CD200: variants seen among roughly 807,000 people sequenced by gnomAD.
The protein encoded by CD200 is CD200 molecule, also known as OX-2 membrane glycoprotein.
CD200 carries 15 observed loss-of-function variants against 30.9 expected under a neutral mutation model. The observed-to-expected ratio is 0.49, with a 90% CI of 0.32 to 0.75. CD200 has a LOEUF of 0.75. Ranked by LOEUF, CD200 falls within the 30% of genes least tolerant of loss-of-function variation. CD200 has a pLI of 0.03. For missense variants in CD200, 262 were observed against 324.2 expected (o/e 0.81, Z 1.47); for synonymous variants, 134 against 126.2 (o/e 1.06, Z -0.41).
intron 1 of CD200, among the ~76,000 whole-genome samples, chr3:112,335,277 T>C (rs76825821): frequency 0.013 from 2,009 of 152,282 alleles, 36 homozygotes; most frequent in African/African-American, 0.045. Context: ...CAGATCTTTG[T>C]AGGCTGTATG....
At chr3:112,345,521 A>G (rs1397229618) in intron 3 of CD200, among the ~76,000 whole-genome samples, 3 of 152,146 alleles carry the variant, frequency 2.0e-5, no homozygotes, top group African/African-American at 4.8e-5. Flanking sequence ...TGTCAACAGG[A>G]GAAATTTGAG....
At chr3:112,342,349 CT>C (rs2081273183) in intron 2 of CD200, among the ~76,000 whole-genome samples, 2,001 of 37,846 alleles carry the variant, frequency 0.053, 502 homozygotes, top group African/African-American at 0.11. Context: ...TTCTTTCTTT[CT>C]TTCTTTCTTT....
At chr3:112,337,911 T>C (rs1406239333) in intron 1 of CD200, among the ~76,000 whole-genome samples, 1 of 152,234 alleles carries the variant, frequency 6.6e-6, no homozygotes, top group Admixed American at 6.5e-5. Flanking sequence ...AACTCATCTC[T>C]TGATTATTTA....
At chr3:112,339,125 T>C (rs987870470) in intron 1 of CD200, among the ~76,000 whole-genome samples, 2 of 152,242 alleles carry the variant, frequency 1.3e-5, no homozygotes, top group Non-Finnish European at 2.9e-5. Context: ...AGTAACCTTA[T>C]GCAAAATATA....
At chr3:112,358,078 A>G (rs1038051838) in intron 5 of CD200, among the ~76,000 whole-genome samples, 2 of 152,110 alleles carry the variant, frequency 1.3e-5, no homozygotes, top group African/African-American at 4.8e-5. Context: ...GCATTCACAC[A>G]CGCGCACACA....
chr3:112,349,024 A>G (rs1031820615), intron 4 of CD200, among the ~76,000 whole-genome samples: 5 of 152,206 alleles, frequency 3.3e-5, no homozygotes, highest in African/African-American at 9.7e-5. Flanking sequence ...TATAGAAATC[A>G]AACAAATCCC....
At chr3:112,355,880 A>G in intron 5 of CD200, among the ~76,000 whole-genome samples, 1 of 147,916 alleles carries the variant, frequency 6.8e-6, no homozygotes, top group South Asian at 2.2e-4. Flanking sequence ...AAAATTAAGA[A>G]ATAAAAGTAT....
At chr3:112,346,337 T>C (rs1413644474) in intron 3 of CD200, among the ~76,000 whole-genome samples, 1 of 152,068 alleles carries the variant, frequency 6.6e-6, no homozygotes, top group Non-Finnish European at 1.5e-5. Context: ...TTTCTGTTCC[T>C]TTTTATTCTC....
chr3:112,348,955 T>G (rs1168335845), intron 4 of CD200, among the ~76,000 whole-genome samples: 1 of 150,012 alleles, frequency 6.7e-6, no homozygotes, highest in East Asian at 2.0e-4. Context: ...TGTTTGTTTA[T>G]TCTGTGAACA....
intron 1 of CD200, among the ~76,000 whole-genome samples, chr3:112,340,694 C>A (rs1239088727): frequency 6.6e-6 from 1 of 152,180 alleles, no homozygotes; most frequent in African/African-American, 2.4e-5. Flanking sequence ...TGTGTTGAAG[C>A]CACGCTGCTG....
chr3:112,338,638 G>T (rs894689632), intron 1 of CD200, among the ~76,000 whole-genome samples: 1 of 152,148 alleles, frequency 6.6e-6, no homozygotes, highest in Non-Finnish European at 1.5e-5. Flanking sequence ...GGCTTTCAGA[G>T]ATTCCTTGGC....
At chr3:112,343,308 ATTTTC>A (rs1022583990) in intron 2 of CD200, among the ~76,000 whole-genome samples, 3 of 151,658 alleles carry the variant, frequency 2.0e-5, no homozygotes, top group Non-Finnish European at 2.9e-5. Flanking sequence ...TGTTTTTCAA[ATTTTC>A]TTTTCTTTGT....
chr3:112,335,914 T>C, intron 1 of CD200: 1 of 1,532,456 alleles, frequency 6.5e-7, no homozygotes, highest in Non-Finnish European at 9.0e-7. Flanking sequence ...GGCTCTAATT[T>C]TTATCATCTC....
chr3:112,340,711 C>T (rs1395167527), intron 1 of CD200, among the ~76,000 whole-genome samples, 191 bp from the exon 2 acceptor site: 1 of 152,126 alleles, frequency 6.6e-6, no homozygotes, highest in Non-Finnish European at 1.5e-5. Context: ...GCTGCTTTTC[C>T]CTCCTCATAT....
In CD200 at chr3:112,349,758, A is replaced by C; in HGVS notation, c.741A>C (p.Val247=). 6.2e-7 allele frequency: 1 copy of C among 1,612,118 alleles called. No individual in the cohort carries two copies. ...VPLLLSIVSL[V]ILLVLISILL... ...TATTGCTAAGCATTGTTTCCCTGGTAATTCTTCTCGTCCTAATCTCAATCT... is the reference window on the plus strand; with the variant it reads ...TATTGCTAAGCATTGTTTCCCTGGTCATTCTTCTCGTCCTAATCTCAATCT... The change falls in exon 5 of 6, where the codon GTA becomes GTC. Residue 247 remains valine, a synonymous_variant. Transcript: ENST00000315711.
At chr3:112,333,264 G>A in intron 1 of CD200, 40 bp downstream of exon 1, 1 of 1,543,316 alleles carries the variant, frequency 6.5e-7, no homozygotes, top group Non-Finnish European at 8.7e-7. Flanking sequence ...GCGCAGGGCA[G>A]GCGATGTTGA....
chr3:112,332,925 A>AC (rs2081028171), upstream of CD200: 2 of 475,298 alleles, frequency 4.2e-6, no homozygotes, highest in Non-Finnish European at 7.5e-6. Flanking sequence ...AAAAAAAATG[A>AC]TTTTTTTTTT....
intron 5 of CD200, among the ~76,000 whole-genome samples, chr3:112,351,363 T>G (rs1201759903): frequency 6.6e-6 from 1 of 152,216 alleles, no homozygotes; most frequent in African/African-American, 2.4e-5. Flanking sequence ...AGTATTTAAA[T>G]TCATTTTTAA....
intron 5 of CD200, among the ~76,000 whole-genome samples, chr3:112,357,389 G>A (rs1328562808): frequency 6.6e-6 from 1 of 152,122 alleles, no homozygotes; most frequent in Non-Finnish European, 1.5e-5. Context: ...CTTCCGTGAA[G>A]TAAATGTTCC....
Sources: gnomAD v4.1 joint callset for allele counts (sites outside exome capture counted in the v4.1 genomes callset) on GRCh38, gnomAD v4.1.1 for gene constraint, MANE v1.5 for transcripts, NCBI Gene and HGNC (gene_info 2026-07-23, HGNC 2026-07-21) for gene names.